The following DNER variants were observed in gnomAD, a reference collection of about 807,000 sequenced individuals.
DNER encodes the protein delta/notch like EGF repeat containing, also known as delta and Notch-like epidermal growth factor-related receptor.
In DNER, 33 loss-of-function variants were observed where a neutral mutation model predicts 78.2. That is an observed-to-expected ratio of 0.42 (90% CI 0.32 to 0.56). DNER has a LOEUF of 0.56. Among genes scored for constraint, DNER ranks in the 20% least tolerant of loss-of-function variants. The pLI is 0.11. For missense variants in DNER, 918 were observed against 975.3 expected, an observed-to-expected ratio of 0.94 and a Z score of 0.78; for synonymous variants, 417 against 384.8, an observed-to-expected ratio of 1.08 and a Z score of -0.98.
intron 1 of DNER, among the ~76,000 whole-genome samples, chr2:229,649,407 G>A (rs1445127264): frequency 6.6e-6 from 1 of 152,162 alleles, no homozygotes; most frequent in Non-Finnish European, 1.5e-5. Flanking sequence ...ACTTTGAAAT[G>A]AATTACATCC....
intron 8 of DNER, among the ~76,000 whole-genome samples, chr2:229,446,452 G>A (rs1210497786): frequency 2.0e-5 from 3 of 152,182 alleles, no homozygotes; most frequent in Non-Finnish European, 2.9e-5. Flanking sequence ...CGGGGAGCAC[G>A]CATTCCAGCT....
intron 8 of DNER, among the ~76,000 whole-genome samples, chr2:229,445,571 C>T (rs1439260031): frequency 6.6e-6 from 1 of 152,194 alleles, no homozygotes; most frequent in Non-Finnish European, 1.5e-5. Context: ...AAGCAGATGA[C>T]TCTCCAGAAT....
At chr2:229,527,685 T>A (rs1312262938) in intron 5 of DNER, among the ~76,000 whole-genome samples, 3 of 152,324 alleles carry the variant, frequency 2.0e-5, no homozygotes, top group Admixed American at 1.3e-4. Flanking sequence ...TTCTATTTTT[T>A]AAAAAGAATG....
intron 1 of DNER, among the ~76,000 whole-genome samples, chr2:229,635,270 C>A (rs796415614): frequency 2.7e-5 from 4 of 149,416 alleles, no homozygotes; most frequent in African/African-American, 9.8e-5. Flanking sequence ...CTCCAGCCCT[C>A]TGGCCAGGGT....
At chr2:229,710,981 G>GCACACA (rs1215822693) in intron 1 of DNER, among the ~76,000 whole-genome samples, 8 of 80,636 alleles carry the variant, frequency 9.9e-5, no homozygotes, top group African/African-American at 4.1e-4. Context: ...ATGCATACAC[G>GCACACA]CGCACACACA....
At chr2:229,570,319 T>C (rs1384554440) in intron 4 of DNER, among the ~76,000 whole-genome samples, 4 of 152,130 alleles carry the variant, frequency 2.6e-5, no homozygotes, top group Admixed American at 1.3e-4. Flanking sequence ...AGACAGGTAA[T>C]AAATAGGTGT....
intron 1 of DNER, among the ~76,000 whole-genome samples, chr2:229,593,134 A>G (rs1362322389): frequency 6.6e-6 from 1 of 152,240 alleles, no homozygotes; most frequent in East Asian, 1.9e-4. Flanking sequence ...TCTGAAGAGA[A>G]TATTTAAATT....
At chr2:229,514,704 G>A (rs1001794767) in intron 5 of DNER, among the ~76,000 whole-genome samples, 2 of 152,134 alleles carry the variant, frequency 1.3e-5, no homozygotes, top group African/African-American at 4.8e-5. Flanking sequence ...TTCCCCAACA[G>A]ATTTCTTTTC....
chr2:229,434,919 TATATATAC>T (rs1337286281), intron 8 of DNER, among the ~76,000 whole-genome samples: 2 of 60,966 alleles, frequency 3.3e-5, no homozygotes, highest in Admixed American at 5.8e-4. Flanking sequence ...TATATATATA[TATATATAC>T]ACACACACAC....
At chr2:229,658,813 C>T (rs1048417252) in intron 1 of DNER, among the ~76,000 whole-genome samples, 2 of 152,148 alleles carry the variant, frequency 1.3e-5, no homozygotes, top group Admixed American at 6.5e-5. Context: ...ATTTCTAAGG[C>T]TGTCGATGCT....
intron 1 of DNER, among the ~76,000 whole-genome samples, chr2:229,631,265 A>G (rs1186547436): frequency 2.0e-5 from 3 of 152,034 alleles, no homozygotes; most frequent in Non-Finnish European, 4.4e-5. Context: ...CTGGCCTGGA[A>G]AAGACCAGCT....
chr2:229,586,389 CA>C (rs1354841877), intron 3 of DNER, among the ~76,000 whole-genome samples: 1 of 151,276 alleles, frequency 6.6e-6, no homozygotes, highest in African/African-American at 2.4e-5. Flanking sequence ...GTTATGCTGC[CA>C]AAATAAGCAA....
chr2:229,604,992 T>C (rs76742565), intron 1 of DNER, among the ~76,000 whole-genome samples: 2,424 of 152,246 alleles, frequency 0.016, 68 homozygotes, highest in African/African-American at 0.056. Context: ...GATTGTCTCA[T>C]TGCAAGATTA....
At chr2:229,693,157 G>A (rs1438776275) in intron 1 of DNER, among the ~76,000 whole-genome samples, 1 of 151,818 alleles carries the variant, frequency 6.6e-6, no homozygotes, top group Non-Finnish European at 1.5e-5. Flanking sequence ...TCATGATAGT[G>A]AGTGACTTCT....
At position 229,714,207 on chromosome 2, in the gene DNER, CG is replaced by C. The variant is rs1334140373; in HGVS notation, c.216del (p.Ala73ProfsTer101). The C allele has an allele frequency of 8.0e-6, 11 of 1,382,314 alleles. No homozygotes were observed. The highest frequency in any genetic ancestry group is 3.3e-5 in the South Asian group (2 of 60,962). The allele number at this position is 1,382,314 out of a possible 1,614,324, so 85.6% of individuals were successfully genotyped here. On this transcript the variant is annotated frameshift_variant, in exon 1 of 13. Transcript: ENST00000341772. LOFTEE classifies it high-confidence loss of function. ...RPEPDPQHPA[P>X]AGEPGYSCTC... ...GTGCAGCTGTAGCCAGGCTCGCCGG[CG>C]GGGGCCGGGTGCTGCGGGTCCGGCT...
At chr2:229,530,402 A>G (rs1156263886) in intron 5 of DNER, among the ~76,000 whole-genome samples, 1 of 152,236 alleles carries the variant, frequency 6.6e-6, no homozygotes, top group African/African-American at 2.4e-5. Flanking sequence ...CTGTTATGCT[A>G]GAGTCTCCTG....
chr2:229,377,055 G>A (rs1166232786), intron 11 of DNER, among the ~76,000 whole-genome samples: 1 of 152,114 alleles, frequency 6.6e-6, no homozygotes, highest in African/African-American at 2.4e-5. Flanking sequence ...TCTAGAGGTG[G>A]CTGTGCAAAG....
At chr2:229,490,443 C>T (rs1251902204) in intron 6 of DNER, among the ~76,000 whole-genome samples, 1 of 152,122 alleles carries the variant, frequency 6.6e-6, no homozygotes, top group East Asian at 1.9e-4. Context: ...CTGAATGAAC[C>T]TTGAAAACCT....
rs1266730116 is a variant in DNER at position 229,363,307 on chromosome 2, T to A, written c.2102+3566A>T. ...GCCCTGTGTGGCTGCTGGGCTGCAG[T>A]CATTCTGATCCAATGTCACCTCCAG... On this transcript the variant is annotated intron_variant, in intron 12 of 12. Transcript: ENST00000341772. Among the ~76,000 whole-genome samples, 3 of 152,232 alleles carry A rather than the reference T, an allele frequency of 2.0e-5. No individual in the cohort carries two copies. In the East Asian group the frequency reaches 5.8e-4, roughly 29 times the overall value.
Sources: allele counts gnomAD v4.1 joint callset (sites outside exome capture counted in the v4.1 genomes callset), GRCh38; gene constraint gnomAD v4.1.1; transcripts MANE v1.5; gene names NCBI Gene and HGNC (gene_info 2026-07-23, HGNC 2026-07-21).